CDH11: variants seen among roughly 807,000 people sequenced by gnomAD.
The protein encoded by CDH11 is cadherin-11.
A neutral mutation model predicts 67.8 loss-of-function variants in CDH11; 11 were observed. That is an observed-to-expected ratio of 0.16 (90% CI 0.10 to 0.27). The LOEUF is 0.27. Among genes scored for constraint, CDH11 ranks in the 10% least tolerant of loss-of-function variants. The pLI is 1.00. For missense variants in CDH11, 847 were observed against 1,031.2 expected, an observed-to-expected ratio of 0.82 and a Z score of 2.45; for synonymous variants, 419 against 400.0, an observed-to-expected ratio of 1.05 and a Z score of -0.57.
intron 2 of CDH11, chr16:65,007,095 C>T (rs1437075082): frequency 6.6e-6 from 1 of 152,176 alleles, no homozygotes; most frequent in Non-Finnish European, 1.5e-5. Context: ...ATACCATAGC[C>T]ATCTGACCTC....
rs1204449618 is a variant in CDH11 at position 65,027,408 on chromosome 16, C to T, written c.-172-22367G>A. Among the ~76,000 whole-genome samples the T allele has an allele frequency of 3.9e-5, 6 of 152,268 alleles. 1 individual carries two copies. The highest frequency in any genetic ancestry group is 3.3e-4 in the Admixed American group (5 of 15,292). On this transcript the variant is annotated intron_variant, in intron 2 of 12. Transcript: ENST00000268603. ...CTTTGCGCTCAGGGATCTTACATAC[C>T]ATTGACCAGTTGCATCTTGTTCCAA...
chr16:65,019,132 T>G (rs2073373712), intron 2 of CDH11, among the ~76,000 whole-genome samples: 1 of 152,216 alleles, frequency 6.6e-6, no homozygotes. Flanking sequence ...CAATGTTTCC[T>G]CTATGATTTT....
intron 1 of CDH11, among the ~76,000 whole-genome samples, chr16:65,120,783 C>A (rs2075312470): frequency 6.6e-6 from 1 of 152,158 alleles, no homozygotes; most frequent in African/African-American, 2.4e-5. Flanking sequence ...GAGCCCCGGG[C>A]GAAAGCAGGG....
intron 12 of CDH11, chr16:64,948,749 C>A: frequency 1.2e-6 from 2 of 1,602,784 alleles, no homozygotes; most frequent in Non-Finnish European, 1.7e-6. Flanking sequence ...AATCTCATGT[C>A]TTCCCTGGGA....
intron 3 of CDH11, among the ~76,000 whole-genome samples, chr16:65,004,337 C>T (rs779372257): frequency 6.6e-6 from 1 of 152,192 alleles, no homozygotes; most frequent in Non-Finnish European, 1.5e-5. Flanking sequence ...CACACTACTG[C>T]ATGCCAGTCT....
intron 6 of CDH11, among the ~76,000 whole-genome samples, chr16:64,990,103 C>T (rs1434973649): frequency 1.3e-5 from 2 of 152,136 alleles, no homozygotes; most frequent in African/African-American, 2.4e-5. Context: ...CATTCAAGTT[C>T]ACGGCAGTGA....
chr16:65,112,403 T>C (rs1389820951), intron 1 of CDH11, among the ~76,000 whole-genome samples: 1 of 152,170 alleles, frequency 6.6e-6, no homozygotes, highest in East Asian at 1.9e-4. Flanking sequence ...CAAACCACCA[T>C]TGATCACTAA....
intron 1 of CDH11, among the ~76,000 whole-genome samples, chr16:65,091,392 C>T (rs570430576): frequency 1.5e-4 from 23 of 152,130 alleles, no homozygotes; most frequent in African/African-American, 3.6e-4. Flanking sequence ...ATAATGTTGG[C>T]GGTTTCTTTT....
At chr16:65,115,169 C>T (rs2075221471) in intron 1 of CDH11, among the ~76,000 whole-genome samples, 1 of 152,074 alleles carries the variant, frequency 6.6e-6, no homozygotes, top group African/African-American at 2.4e-5. Flanking sequence ...CACAGCAACC[C>T]ATACGCAGAA....
chr16:65,006,046 T>C (rs963663698), intron 2 of CDH11, among the ~76,000 whole-genome samples: 1 of 151,502 alleles, frequency 6.6e-6, no homozygotes, highest in African/African-American at 2.4e-5. Flanking sequence ...TCTGGACTTC[T>C]TCATTGGACT....
chr16:64,948,714 C>T (rs1313207827), intron 12 of CDH11: 2 of 1,604,238 alleles, frequency 1.2e-6, no homozygotes, highest in Non-Finnish European at 1.7e-6. Flanking sequence ...AGGAAAATAG[C>T]ATCAGCTGGA....
At position 64,947,322 on chromosome 16, in the gene CDH11, C is replaced by A; in HGVS notation, c.*281G>T. Reference sequence around the variant, plus strand: ...CAATTTCCCTTCATTGTCAGTTCAGCGTTAGACTTCTCCTTCACTTAAATA... The same window carrying A: ...CAATTTCCCTTCATTGTCAGTTCAGAGTTAGACTTCTCCTTCACTTAAATA... On this transcript the variant is annotated 3_prime_UTR_variant, in exon 13 of 13. Coordinates refer to ENST00000268603, the MANE Select transcript of CDH11 (RefSeq NM_001797.4). The A allele has an allele frequency of 2.5e-6, 3 of 1,216,874 alleles. No individual in the cohort carries two copies. Among genetic ancestry groups the A allele is most frequent in the African/African-American group, 1.5e-5 (1 of 65,744 alleles). 75.4% of individuals were successfully genotyped at this position (1,216,874 alleles called of 1,614,324 possible). A position where few individuals can be genotyped will look rare whatever the true frequency, so the allele number is the denominator to read the frequency against.
At chr16:65,072,358 A>G (rs2074432803) in intron 1 of CDH11, 1 of 152,386 alleles carries the variant, frequency 6.6e-6, no homozygotes, top group Non-Finnish European at 1.5e-5. Flanking sequence ...GTTGCTACAA[A>G]ACAGGCAGAG....
At chr16:64,998,983 A>C in intron 3 of CDH11, 127 bp from the exon 4 acceptor site, 2 of 770,038 alleles carry the variant, frequency 2.6e-6, no homozygotes, top group Non-Finnish European at 4.2e-6. Flanking sequence ...TCTCATCTCC[A>C]TTTTACAACA....
In CDH11 at chr16:65,104,027, T is replaced by C. The variant is rs150544014; in HGVS notation, c.-298+17853A>G. ...TTTGTGGTTTGTATTATATTTTTAT[T>C]GGACTGCACTGGGTTAAAGAGTTAT... On this transcript the variant is annotated intron_variant, in intron 1 of 12. Coordinates refer to ENST00000268603, the MANE Select transcript of CDH11 (RefSeq NM_001797.4). 3.1e-3 allele frequency among the ~76,000 whole-genome samples: 467 copies of C among 152,318 alleles called. 5 individuals are homozygous for C. Among genetic ancestry groups the C allele is most frequent in the African/African-American group, 0.011 (457 of 41,578 alleles).
intron 8 of CDH11, 114 bp from the exon 9 acceptor site, chr16:64,973,154 G>T: frequency 9.8e-7 from 1 of 1,024,478 alleles, no homozygotes; most frequent in Non-Finnish European, 1.4e-6. Context: ...ACTTAAGCTA[G>T]ATTTTCTTTC....
chr16:65,102,538 C>T (rs1412857636), intron 1 of CDH11, among the ~76,000 whole-genome samples: 1 of 152,202 alleles, frequency 6.6e-6, no homozygotes, highest in Admixed American at 6.5e-5. Context: ...TGGCCTGTAG[C>T]CAAAGGGATA....
chr16:65,065,701 G>A (rs1022539398), intron 1 of CDH11, among the ~76,000 whole-genome samples: 2 of 152,174 alleles, frequency 1.3e-5, no homozygotes, highest in Admixed American at 6.5e-5. Context: ...GAAGGAAGGA[G>A]ATAGAGGAAG....
intron 2 of CDH11, among the ~76,000 whole-genome samples, chr16:65,047,548 C>T (rs1474050091): frequency 6.6e-6 from 1 of 151,942 alleles, no homozygotes; most frequent in Non-Finnish European, 1.5e-5. Flanking sequence ...GACGGGATTT[C>T]ACCATGTTGG....
Sources: gnomAD v4.1 joint callset for allele counts (sites outside exome capture counted in the v4.1 genomes callset) on GRCh38, gnomAD v4.1.1 for gene constraint, MANE v1.5 for transcripts, NCBI Gene and HGNC (gene_info 2026-07-23, HGNC 2026-07-21) for gene names.